Variants in TEKT1 observed in about 807,000 individuals in gnomAD.
TEKT1 encodes the protein tektin 1.
TEKT1 carries 32 observed loss-of-function variants against 34.8 expected under a neutral mutation model. That is an observed-to-expected ratio of 0.92 (90% CI 0.69 to 1.23). The LOEUF (loss-of-function observed/expected upper bound fraction) is 1.23, where lower values mean the gene tolerates loss of function less well. Among genes scored for constraint, TEKT1 ranks in the 50% most tolerant of loss-of-function variants. The probability of loss-of-function intolerance (pLI) is 0.00; values close to 1 mark genes in which losing one functional copy is unlikely to be tolerated. For synonymous variants in TEKT1, 207 were observed against 199.8 expected (o/e 1.04, Z -0.30); for missense variants, 492 against 518.5 (o/e 0.95, Z 0.50).
chr17:6,830,829 T>A (rs879004518), intron 1 of TEKT1, among the ~76,000 whole-genome samples: 3 of 152,132 alleles, frequency 2.0e-5, no homozygotes, highest in Non-Finnish European at 2.9e-5. Flanking sequence ...TTCTACTGTT[T>A]ATGGATATTT....
In TEKT1 at chr17:6,799,163, T is replaced by C. The variant is rs1490001996; in HGVS notation, c.*864A>G. The C allele has an allele frequency of 1.3e-5, 2 of 152,184 alleles. No individual in the cohort carries two copies. Among genetic ancestry groups the C allele is most frequent in the Non-Finnish European group, 2.9e-5 (2 of 68,040 alleles). The allele number at this position is 152,184 out of a possible 1,614,324, so 9.4% of individuals were successfully genotyped here. ...TCAGCGGAAGGCAGCCTCCCACAAG[T>C]TGAACTCTTTTTGGAAAAGAAACAG... On this transcript the variant is annotated 3_prime_UTR_variant, in exon 8 of 8. Coordinates refer to ENST00000338694, the MANE Select transcript of TEKT1 (RefSeq NM_053285.2).
Position 6,811,072 on chromosome 17 carries a change from G to A in TEKT1, c.852+1759C>T, listed in dbSNP as rs900999237. Among the ~76,000 whole-genome samples the A allele has an allele frequency of 1.3e-5, 2 of 151,998 alleles. No homozygotes were observed. Among genetic ancestry groups the A allele is most frequent in the Non-Finnish European group, 2.9e-5 (2 of 67,974 alleles). On this transcript the variant is annotated intron_variant, in intron 6 of 7. Transcript: ENST00000338694. This position sits in a 1 kb window ranked among gnomAD's most constrained non-coding sequence, Gnocchi z 4.4. ...ATCTTATTTTATTGTTTTATTACCA[G>A]TATGTCTTTGTTTCTGCTCCTTAGC...
chr17:6,824,113 C>T (rs1404955198), intron 2 of TEKT1, among the ~76,000 whole-genome samples: 1 of 152,148 alleles, frequency 6.6e-6, no homozygotes, highest in Non-Finnish European at 1.5e-5. Flanking sequence ...TGAGCCACTG[C>T]GCCCAGCCAA....
intron 1 of TEKT1, 86 bp from the exon 2 acceptor site, chr17:6,830,479 G>A (rs1288695740): frequency 2.0e-5 from 18 of 915,092 alleles, no homozygotes; most frequent in Admixed American, 3.5e-5. Context: ...ACATATATAC[G>A]GAAAATTGCA....
Position 6,800,854 on chromosome 17 carries a change from A to C in TEKT1, c.942T>G (p.His314Gln). The C allele has an allele frequency of 6.2e-7, 1 of 1,614,164 alleles. No individual in the cohort carries two copies. The highest frequency in any genetic ancestry group is 8.5e-7 in the Non-Finnish European group (1 of 1,180,014). The change falls in exon 7 of 8, where the codon CAT becomes CAG. Residue 314 changes from histidine to glutamine, a missense_variant. Physicochemically the swap from His to Gln is conservative, Grantham distance 24. Coordinates refer to ENST00000338694, the MANE Select transcript of TEKT1 (RefSeq NM_053285.2). ...LDQEGPAKVA[H>Q]TRLETRTHRP... ...GGTGTGTCCTGGTCTCCAAGCGCGT[A>C]TGAGCCACCTTGGCTGGCCCTTCTT... is the stretch of plus-strand genomic sequence containing the variant.
chr17:6,819,478 G>T, intron 2 of TEKT1, 120 bp from the exon 3 acceptor site: 1 of 981,922 alleles, frequency 1.0e-6, no homozygotes, highest in African/African-American at 1.7e-5. Context: ...TCTTAGTGCT[G>T]TGCTATTTGG....
chr17:6,830,860 C>T (rs1597796890), intron 1 of TEKT1, among the ~76,000 whole-genome samples: 1 of 151,936 alleles, frequency 6.6e-6, no homozygotes, highest in Admixed American at 6.6e-5. Flanking sequence ...CACTCCAGGG[C>T]CATAATGAGA....
intron 5 of TEKT1, 110 bp downstream of exon 5, chr17:6,815,053 A>G: frequency 5.0e-6 from 7 of 1,390,062 alleles, no homozygotes; most frequent in Non-Finnish European, 6.9e-6. Flanking sequence ...CTTTGCCCCA[A>G]GCCCACCACT....
intron 2 of TEKT1, among the ~76,000 whole-genome samples, chr17:6,825,412 A>G (rs1904366609): frequency 6.6e-6 from 1 of 152,198 alleles, no homozygotes; most frequent in Non-Finnish European, 1.5e-5. Context: ...TCAGACTGCA[A>G]GCTCCCCAAG....
chr17:6,812,630 G>C (rs141385302), intron 6 of TEKT1, among the ~76,000 whole-genome samples: 1 of 152,214 alleles, frequency 6.6e-6, no homozygotes, highest in Non-Finnish European at 1.5e-5. Context: ...TGGAGGCCCA[G>C]AGTGGGGCAA....
At chr17:6,826,728 C>A (rs904647298) in intron 2 of TEKT1, among the ~76,000 whole-genome samples, 2 of 149,598 alleles carry the variant, frequency 1.3e-5, no homozygotes, top group African/African-American at 5.0e-5. Flanking sequence ...CGGAGTCTTG[C>A]TCTGTCACCC....
chr17:6,800,808 G>C lies in TEKT1; in HGVS notation c.988C>G (p.Arg330Gly). The change falls in exon 7 of 8, where the codon CGT becomes GGT. Residue 330 changes from arginine to glycine, a missense_variant. Physicochemically the swap from Arg to Gly is moderately radical, Grantham distance 125 (BLOSUM62 -2). Transcript: ENST00000338694. ...ATTAGCCTATATTGTGCGACATCAC[G>C]ACACAGCTCCACGTTCGGCCGGTGT... ...RTHRPNVELC[R>G]DVAQYRLMKE... 1 of 1,614,142 alleles carries C rather than the reference G, an allele frequency of 6.2e-7. No individual in the cohort carries two copies. The highest frequency in any genetic ancestry group is 8.5e-7 in the Non-Finnish European group (1 of 1,180,028).
At position 6,815,790 on chromosome 17, in the gene TEKT1, A is replaced by G. The variant is rs201895580; in HGVS notation, c.485+44T>C. 76 of 1,609,860 alleles carry G rather than the reference A, an allele frequency of 4.7e-5. No homozygotes were observed. The African/African-American group carries it at 9.2e-4, about 19-fold the overall frequency. ...GCTTTTGTGGACACTGCCTTTTCTC[A>G]AAATTCCCAGTGGAGATTTGGAGGG... On this transcript the variant is annotated intron_variant, in intron 4 of 7. Transcript: ENST00000338694.
chr17:6,830,394 C>T lies in TEKT1; in HGVS notation c.-17-1G>A, dbSNP rs762819655. 10 of 1,541,718 alleles carry T rather than the reference C, an allele frequency of 6.5e-6. No homozygotes were observed. Among genetic ancestry groups the T allele is most frequent in the Non-Finnish European group, 8.7e-6 (10 of 1,149,434 alleles). On this transcript the variant is annotated splice_acceptor_variant, in intron 1 of 7. Coordinates refer to ENST00000338694, the MANE Select transcript of TEKT1 (RefSeq NM_053285.2). LOFTEE classifies it low-confidence loss of function (5UTR_SPLICE). Reference sequence around the variant, plus strand: ...TTAGCCATTTGAGGTTTCCAAATTCCTGATCAAAAGCAGACTCTTTTAGAT... The same window carrying T: ...TTAGCCATTTGAGGTTTCCAAATTCTTGATCAAAAGCAGACTCTTTTAGAT...
chr17:6,809,189 T>G (rs1394079017), intron 6 of TEKT1, among the ~76,000 whole-genome samples: 1 of 152,148 alleles, frequency 6.6e-6, no homozygotes, highest in Non-Finnish European at 1.5e-5. Context: ...ACAATTTACA[T>G]TAGGGTTCAC....
chr17:6,800,325 G>T, intron 7 of TEKT1, 91 bp from the exon 8 acceptor site: 2 of 1,123,550 alleles, frequency 1.8e-6, no homozygotes, highest in Admixed American at 2.5e-5. Flanking sequence ...CAGTGCAGGA[G>T]CCAAATTGAT....
chr17:6,812,491 A>T (rs1976941886), intron 6 of TEKT1, among the ~76,000 whole-genome samples: 1 of 152,170 alleles, frequency 6.6e-6, no homozygotes, highest in Non-Finnish European at 1.5e-5. Flanking sequence ...CGTACTTCAC[A>T]TACGGAGGAG....
intron 2 of TEKT1, among the ~76,000 whole-genome samples, chr17:6,829,571 C>T (rs1278021624): frequency 6.9e-6 from 1 of 145,788 alleles, no homozygotes; most frequent in African/African-American, 2.6e-5. Flanking sequence ...TGGTCTCTAA[C>T]TCCTGGGCTT....
intron 4 of TEKT1, 131 bp downstream of exon 4, chr17:6,815,691 GTGCTGGGGCAAT>G (rs1237020792): frequency 7.7e-7 from 1 of 1,306,214 alleles, no homozygotes; most frequent in Admixed American, 2.4e-5. Flanking sequence ...CTTACCCTGA[GTGCTGGGGCAAT>G]CTGGGGACAC....
Sources: gnomAD v4.1 joint callset for allele counts (sites outside exome capture counted in the v4.1 genomes callset) on GRCh38, gnomAD v4.1.1 for gene constraint, Gnocchi (gnomAD v3.1) non-coding constraint, MANE v1.5 for transcripts, NCBI Gene and HGNC (gene_info 2026-07-23, HGNC 2026-07-21) for gene names.